TDP1: variants seen among roughly 807,000 people sequenced by gnomAD.
TDP1 encodes the protein tyrosyl-DNA phosphodiesterase 1.
In TDP1, 64 loss-of-function variants were observed where a neutral mutation model predicts 81.5. The ratio of observed to expected loss-of-function variants is 0.79; its 90% CI spans 0.64 to 0.97. The LOEUF is 0.97. Ranked by LOEUF, TDP1 falls within the 50% of genes least tolerant of loss-of-function variation. TDP1 has a pLI of 0.00. For missense variants in TDP1, 723 were observed against 743.8 expected (o/e 0.97, Z 0.33); for synonymous variants, 256 against 264.3 (o/e 0.97, Z 0.30).
At chr14:90,011,823 A>G (rs1039875453) in intron 14 of TDP1, among the ~76,000 whole-genome samples, 1 of 152,272 alleles carries the variant, frequency 6.6e-6, no homozygotes, top group African/African-American at 2.4e-5. Context: ...AGCAGAGCAT[A>G]AAAGTTGGAA....
chr14:89,993,474 T>C lies in TDP1; in HGVS notation c.1532T>C (p.Leu511Pro). ...GACTTCAGTAAAATTGCTTGGTTCC[T>C]TGTCACAAGGTAAATAGTCCTTACA... ...SPDFSKIAWFLVTSANLSKAA... is the reference protein window; with the variant it reads ...SPDFSKIAWFPVTSANLSKAA... The change falls in exon 14 of 17, where the codon CTT becomes CCT. Residue 511 changes from leucine (L) to proline (P), a missense_variant. Leu to Pro is a moderately conservative substitution (Grantham distance 98). Coordinates refer to ENST00000335725, the MANE Select transcript of TDP1 (RefSeq NM_018319.4). 1.2e-6 allele frequency: 2 copies of C among 1,613,332 alleles called. No homozygotes were observed. Among genetic ancestry groups the C allele is most frequent in the Non-Finnish European group, 1.7e-6 (2 of 1,179,432 alleles).
chr14:90,043,951 G>A lies in TDP1; in HGVS notation c.*808G>A, dbSNP rs575684993. ...TCTCAGCTTTCTGAGTACGTCTCTT[G>A]GGGTCGCTGGAGGTGATCCTAGGAT... On this transcript the variant is annotated 3_prime_UTR_variant, in exon 17 of 17. Transcript: ENST00000335725. 3 of 152,350 alleles carry A rather than the reference G, an allele frequency of 2.0e-5. No homozygotes were observed. Among genetic ancestry groups the A allele is most frequent in the South Asian group, 2.1e-4 (1 of 4,810 alleles). 9.4% of individuals were successfully genotyped at this position (152,350 alleles called of 1,614,324 possible).
At chr14:90,026,620 C>G (rs956054912) in intron 15 of TDP1, among the ~76,000 whole-genome samples, 1 of 152,174 alleles carries the variant, frequency 6.6e-6, no homozygotes, top group Non-Finnish European at 1.5e-5. Flanking sequence ...TCCCCCTGCC[C>G]CACGACAGGC....
At chr14:89,973,267 C>A (rs1008886975) in intron 6 of TDP1, among the ~76,000 whole-genome samples, 1 of 152,226 alleles carries the variant, frequency 6.6e-6, no homozygotes, top group East Asian at 1.9e-4. Flanking sequence ...TAGCTCCCAT[C>A]AAACCTTATA....
chr14:89,980,766 G>C, intron 8 of TDP1, 134 bp downstream of exon 8: 2 of 773,170 alleles, frequency 2.6e-6, no homozygotes, highest in Middle Eastern at 2.6e-4. Context: ...AAAAAGAGTT[G>C]TATGCAGAAA....
intron 15 of TDP1, among the ~76,000 whole-genome samples, chr14:90,027,525 GGCCCCTTTTTAC>G (rs990340162): frequency 5.3e-5 from 8 of 152,152 alleles, no homozygotes; most frequent in African/African-American, 1.9e-4. Context: ...TAGCAGCAAT[GGCCCCTTTTTAC>G]TAGCAGTGTG....
rs768201251 is a variant in TDP1, at chr14:89,963,643, A to T, written c.529A>T (p.Lys177Ter). The change falls in exon 3 of 17, where the codon AAG becomes TAG. Residue 177 changes from lysine (K) to a stop codon, truncating the protein, a stop_gained. Transcript: ENST00000335725. LOFTEE classifies it high-confidence loss of function. Reference sequence around the variant, plus strand: ...CACTAGAGTCTCTGGAGTTAAGCCAAAGTATAACTCTGGAGCCCTCCACAT... The same window carrying T: ...CACTAGAGTCTCTGGAGTTAAGCCATAGTATAACTCTGGAGCCCTCCACAT... ...YLTRVSGVKPKYNSGALHIKD... is the reference protein window; with the variant it reads ...YLTRVSGVKP The T allele has an allele frequency of 6.2e-7, 1 of 1,614,104 alleles. No individual in the cohort carries two copies. Among genetic ancestry groups the T allele is most frequent in the Admixed American group, 1.7e-5 (1 of 60,018 alleles).
At chr14:89,996,971 A>G (rs1896698128) in intron 14 of TDP1, among the ~76,000 whole-genome samples, 1 of 152,256 alleles carries the variant, frequency 6.6e-6, no homozygotes, top group Non-Finnish European at 1.5e-5. Context: ...TGGCAAGAAT[A>G]GAGTAATTAA....
At chr14:89,956,947 G>A (rs35143772) in intron 2 of TDP1, 147 bp downstream of exon 2, 3,695 of 152,326 alleles carry the variant, frequency 0.024, 79 homozygotes, top group Non-Finnish European at 0.037. Context: ...CCTCAGTGGG[G>A]TCCCATTGAT....
Position 90,010,294 on chromosome 14 carries a change from T to G in TDP1, c.1542-9022T>G, listed in dbSNP as rs73328426. ...AAGAAAACAAGCAAAAATTACCTTC[T>G]GAACTATAAAGGTTTTCATAAACAA... On this transcript the variant is annotated intron_variant, in intron 14 of 16. Transcript: ENST00000335725. Among the ~76,000 whole-genome samples the G allele has an allele frequency of 3.9e-3, 588 of 152,310 alleles. 2 individuals are homozygous for G. Among genetic ancestry groups the G allele is most frequent in the African/African-American group, 0.014 (568 of 41,554 alleles).
chr14:90,021,307 T>A (rs773105416), intron 15 of TDP1, among the ~76,000 whole-genome samples: 3 of 152,176 alleles, frequency 2.0e-5, no homozygotes, highest in Non-Finnish European at 2.9e-5. Context: ...ATACAGCTTG[T>A]GGGAAACAAT....
intron 14 of TDP1, among the ~76,000 whole-genome samples, chr14:90,006,730 G>A (rs1312372358): frequency 2.6e-5 from 4 of 151,990 alleles, no homozygotes; most frequent in African/African-American, 9.7e-5. Context: ...GTAGAGATGG[G>A]GTTTCACCAT....
intron 14 of TDP1, 171 bp from the exon 15 acceptor site, chr14:90,019,145 G>A (rs1885667238): frequency 1.1e-6 from 1 of 935,224 alleles, no homozygotes; most frequent in Non-Finnish European, 1.3e-6. Context: ...GAGGATTAGA[G>A]AACAGCAGAT....
rs188751837 is a variant in TDP1 at position 89,987,303 on chromosome 14, C to T, written c.1132-1602C>T. ...TAAGCAGGGGACACCAGCTGGGTGT[C>T]CTCTAATTCACTTCAGTTCTTATGC... On this transcript the variant is annotated intron_variant, in intron 10 of 16. Transcript: ENST00000335725. 1.5e-3 allele frequency among the ~76,000 whole-genome samples: 226 copies of T among 152,274 alleles called. 1 individual carries two copies. Among genetic ancestry groups the T allele is most frequent in the African/African-American group, 5.1e-3 (213 of 41,542 alleles).
chr14:89,979,879 CT>C (rs1472605251), intron 7 of TDP1, among the ~76,000 whole-genome samples: 1 of 152,176 alleles, frequency 6.6e-6, no homozygotes, highest in African/African-American at 2.4e-5. Context: ...GTGGACCCCA[CT>C]AAGTCTGATT....
At chr14:90,020,436 A>T (rs1329486610) in intron 15 of TDP1, among the ~76,000 whole-genome samples, 2 of 114,116 alleles carry the variant, frequency 1.8e-5, no homozygotes, top group African/African-American at 7.0e-5. Context: ...TGAGATGGCT[A>T]ATGCTTTGCC....
rs768026182 is a variant in TDP1 at position 89,993,367 on chromosome 14, T to C, written c.1434-9T>C. ...CATAATTAGTAACTTTTGTCTTTTC[T>C]GTCACTAGCAAATGGTCAGCTGAGA... is the stretch of plus-strand genomic sequence containing the variant. On this transcript the variant is annotated splice_polypyrimidine_tract_variant and intron_variant, in intron 13 of 16. Transcript: ENST00000335725. 4.4e-6 allele frequency: 7 copies of C among 1,609,160 alleles called. No individual in the cohort carries two copies. Among genetic ancestry groups the C allele is most frequent in the South Asian group, 3.3e-5 (3 of 90,950 alleles).
At chr14:89,965,529 C>T (rs938667966) in intron 3 of TDP1, among the ~76,000 whole-genome samples, 1 of 152,236 alleles carries the variant, frequency 6.6e-6, no homozygotes, top group Middle Eastern at 3.4e-3. Flanking sequence ...TGGAAGGTCA[C>T]GATGATGGTG....
chr14:89,967,252 A>G, intron 4 of TDP1, 115 bp from the exon 5 acceptor site: 3 of 1,312,314 alleles, frequency 2.3e-6, no homozygotes, highest in African/African-American at 1.5e-5. Context: ...TAAATAATAC[A>G]TGTAGTGTAT....
Sources: gnomAD v4.1 joint callset for allele counts (sites outside exome capture counted in the v4.1 genomes callset) on GRCh38, gnomAD v4.1.1 for gene constraint, MANE v1.5 for transcripts, NCBI Gene and HGNC (gene_info 2026-07-23, HGNC 2026-07-21) for gene names.